LRRC4C: variants seen among roughly 807,000 people sequenced by gnomAD.
LRRC4C encodes leucine-rich repeat-containing protein 4C.
LRRC4C carries 5 observed loss-of-function variants against 33.6 expected under a neutral mutation model. The observed-to-expected ratio is 0.15, with a 90% CI of 0.08 to 0.31. The LOEUF is 0.31. LRRC4C is among the 10% of genes least tolerant of loss of function. The pLI is 1.00. For missense variants in LRRC4C, 560 were observed against 796.7 expected (o/e 0.70, Z 3.58); for synonymous variants, 329 against 302.0 (o/e 1.09, Z -0.93).
At chr11:41,399,255 C>T (rs995635576) in intron 1 of LRRC4C, among the ~76,000 whole-genome samples, 2 of 151,758 alleles carry the variant, frequency 1.3e-5, no homozygotes, top group Non-Finnish European at 2.9e-5. Context: ...TGATTTTGTC[C>T]CCTGTTCCCA....
chr11:40,969,812 G>C (rs1036124382), intron 1 of LRRC4C, among the ~76,000 whole-genome samples: 1 of 152,098 alleles, frequency 6.6e-6, no homozygotes, highest in Non-Finnish European at 1.5e-5. Context: ...TGCTTTATTT[G>C]CAGTGACCTG....
chr11:40,245,780 TTAAA>T (rs1866281823), intron 4 of LRRC4C, among the ~76,000 whole-genome samples: 1 of 152,112 alleles, frequency 6.6e-6, no homozygotes, highest in Admixed American at 6.6e-5. Flanking sequence ...GCTTTTAGTA[TTAAA>T]TAAAATGCTA....
At chr11:40,731,439 C>G (rs1001743490) in intron 2 of LRRC4C, among the ~76,000 whole-genome samples, 3 of 152,124 alleles carry the variant, frequency 2.0e-5, no homozygotes, top group Non-Finnish European at 4.4e-5. Flanking sequence ...TAAATGTTCT[C>G]TGAGGTCTCC....
intron 6 of LRRC4C, among the ~76,000 whole-genome samples, chr11:40,119,249 T>C (rs2134634954): frequency 6.6e-6 from 1 of 152,318 alleles, no homozygotes. Context: ...GTAAGGAACG[T>C]TGGTCTTAAG....
intron 3 of LRRC4C, among the ~76,000 whole-genome samples, chr11:40,578,977 C>T (rs1252107692): frequency 1.3e-5 from 2 of 152,132 alleles, no homozygotes; most frequent in African/African-American, 4.8e-5. Context: ...TTAGATAACT[C>T]TTAAAAATAT....
intron 1 of LRRC4C, among the ~76,000 whole-genome samples, chr11:41,193,879 T>C (rs1015965626): frequency 3.9e-5 from 6 of 151,964 alleles, no homozygotes; most frequent in South Asian, 2.1e-4. Flanking sequence ...ATTAGTACAA[T>C]ATAAAAACAT....
chr11:41,210,941 C>A (rs1946796772), intron 1 of LRRC4C, among the ~76,000 whole-genome samples: 1 of 152,154 alleles, frequency 6.6e-6, no homozygotes. Flanking sequence ...AGCATGCAAC[C>A]TAGATCCCTC....
At chr11:41,149,499 G>A (rs2135956394) in intron 1 of LRRC4C, among the ~76,000 whole-genome samples, 1 of 122,220 alleles carries the variant, frequency 8.2e-6, no homozygotes, top group Non-Finnish European at 1.6e-5. Flanking sequence ...GACAGAGCGA[G>A]ACTCCGTCTC....
chr11:40,606,906 G>A (rs1012366496), intron 3 of LRRC4C, among the ~76,000 whole-genome samples: 1 of 152,012 alleles, frequency 6.6e-6, no homozygotes, highest in African/African-American at 2.4e-5. Flanking sequence ...ACAGAGACAC[G>A]TTATAACAAA....
At chr11:41,011,047 T>C (rs1164500278) in intron 1 of LRRC4C, among the ~76,000 whole-genome samples, 2 of 152,222 alleles carry the variant, frequency 1.3e-5, no homozygotes, top group African/African-American at 4.8e-5. Flanking sequence ...TTTGGGTATA[T>C]ACACTATAAG....
intron 1 of LRRC4C, among the ~76,000 whole-genome samples, chr11:41,044,702 G>C (rs1402104264): frequency 6.6e-6 from 1 of 152,096 alleles, no homozygotes; most frequent in South Asian, 2.1e-4. Flanking sequence ...AGATCAAGTA[G>C]AACGCAGTTA....
intron 2 of LRRC4C, among the ~76,000 whole-genome samples, chr11:40,769,060 A>T (rs1949622278): frequency 6.6e-6 from 1 of 152,122 alleles, no homozygotes; most frequent in Non-Finnish European, 1.5e-5. Flanking sequence ...TTTGTGAATA[A>T]TTTGATAATA....
intron 1 of LRRC4C, among the ~76,000 whole-genome samples, chr11:40,988,056 A>C (rs1298622126): frequency 6.6e-6 from 1 of 152,140 alleles, no homozygotes. Flanking sequence ...GATATGTTGC[A>C]GGACAGGATC....
intron 3 of LRRC4C, among the ~76,000 whole-genome samples, chr11:40,645,533 C>G (rs762000749): frequency 6.6e-6 from 1 of 152,074 alleles, no homozygotes; most frequent in African/African-American, 2.4e-5. Context: ...ACAATGTCGC[C>G]CTGTTTATTC....
At chr11:40,305,059 A>C (rs975188180) in intron 4 of LRRC4C, among the ~76,000 whole-genome samples, 1 of 152,160 alleles carries the variant, frequency 6.6e-6, no homozygotes, top group Admixed American at 6.5e-5. Flanking sequence ...ACCTTATCCC[A>C]CATTTCCTGC....
intron 3 of LRRC4C, among the ~76,000 whole-genome samples, chr11:40,470,679 G>A (rs1347997159): frequency 1.3e-5 from 2 of 152,158 alleles, no homozygotes; most frequent in Non-Finnish European, 2.9e-5. Context: ...ACCCAGTTTA[G>A]GGAAGAACAT....
intron 1 of LRRC4C, among the ~76,000 whole-genome samples, chr11:41,315,238 C>A (rs1950753513): frequency 1.3e-5 from 2 of 152,230 alleles, no homozygotes; most frequent in Admixed American, 6.5e-5. Context: ...CATTTGGTTG[C>A]CAGTTTCCAA....
intron 3 of LRRC4C, among the ~76,000 whole-genome samples, chr11:40,442,425 C>T (rs1246240229): frequency 6.6e-6 from 1 of 152,076 alleles, no homozygotes; most frequent in African/African-American, 2.4e-5. Flanking sequence ...GGAACTTAGG[C>T]AGCAAAACCA....
intron 5 of LRRC4C, among the ~76,000 whole-genome samples, chr11:40,165,990 C>T (rs1202334566): frequency 6.6e-6 from 1 of 152,040 alleles, no homozygotes; most frequent in Admixed American, 6.6e-5. Flanking sequence ...TATCTCACTG[C>T]TAGTAGAAGT....
Sources: gnomAD v4.1 joint callset for allele counts (sites outside exome capture counted in the v4.1 genomes callset) on GRCh38, gnomAD v4.1.1 for gene constraint, MANE v1.5 for transcripts, NCBI Gene and HGNC (gene_info 2026-07-23, HGNC 2026-07-21) for gene names.